The following MED12L variants were observed in gnomAD, a reference collection of about 807,000 sequenced individuals.
The protein encoded by MED12L is mediator of RNA polymerase II transcription subunit 12-like protein.
In MED12L, 60 loss-of-function variants were observed where a neutral mutation model predicts 281.3. The ratio of observed to expected loss-of-function variants is 0.21; its 90% confidence interval spans 0.17 to 0.26. MED12L has a LOEUF of 0.26. Among genes scored for constraint, MED12L ranks in the 10% least tolerant of loss-of-function variants. The pLI is 1.00. For missense variants in MED12L, 2,146 were observed against 2,680.9 expected (o/e 0.80, Z 4.41); for synonymous variants, 974 against 987.2 (o/e 0.99, Z 0.25).
chr3:151,410,091 T>C (rs1716778752), intron 40 of MED12L, among the ~76,000 whole-genome samples: 1 of 152,202 alleles, frequency 6.6e-6, no homozygotes, highest in Non-Finnish European at 1.5e-5. Flanking sequence ...TGACATTGTG[T>C]GAGTTACTTA....
intron 43 of MED12L, among the ~76,000 whole-genome samples, chr3:151,422,784 G>A (rs944380448): frequency 6.7e-6 from 1 of 149,664 alleles, no homozygotes. Context: ...GGCTGAATGT[G>A]GCAGATGTTG....
At chr3:151,389,393 G>A (rs1442563564) in intron 37 of MED12L, among the ~76,000 whole-genome samples, 1 of 152,070 alleles carries the variant, frequency 6.6e-6, no homozygotes, top group African/African-American at 2.4e-5. Context: ...CATCCTCTAG[G>A]GCTAGACTAG....
chr3:151,365,727 A>T (rs1242393714), intron 22 of MED12L, 123 bp from the exon 23 acceptor site: 1 of 859,524 alleles, frequency 1.2e-6, no homozygotes, highest in Non-Finnish European at 1.7e-6. Context: ...TGAGTATTTT[A>T]TCTGTGAATC....
chr3:151,138,218 G>A (rs1337150545), intron 5 of MED12L, among the ~76,000 whole-genome samples: 1 of 147,052 alleles, frequency 6.8e-6, no homozygotes, highest in Admixed American at 7.0e-5. Flanking sequence ...ATTACTTGAT[G>A]TTCTCTGTTC....
intron 16 of MED12L, among the ~76,000 whole-genome samples, chr3:151,282,978 A>C (rs1743013021): frequency 6.6e-6 from 1 of 152,230 alleles, no homozygotes; most frequent in South Asian, 2.1e-4. Context: ...GATGTGAGAT[A>C]AGTCACCACA....
At chr3:151,365,316 TG>T in intron 22 of MED12L, 110 bp downstream of exon 22, 1 of 871,930 alleles carries the variant, frequency 1.1e-6, no homozygotes, top group Non-Finnish European at 1.8e-6. Flanking sequence ...GGCTATCATT[TG>T]CTTTTTCTAA....
chr3:151,327,561 G>A (rs1268031302), intron 16 of MED12L: 1 of 152,272 alleles, frequency 6.6e-6, no homozygotes, highest in African/African-American at 2.4e-5. Context: ...GACTTCAAGA[G>A]TTGGGCGTTT....
chr3:151,396,766 T>C (rs57781984), intron 39 of MED12L, among the ~76,000 whole-genome samples: 2 of 152,020 alleles, frequency 1.3e-5, no homozygotes, highest in African/African-American at 4.8e-5. Flanking sequence ...AAATTAACTT[T>C]GAAGTACTTG....
At chr3:151,139,934 G>A (rs546325495) in intron 5 of MED12L, among the ~76,000 whole-genome samples, 8 of 152,226 alleles carry the variant, frequency 5.3e-5, no homozygotes, top group East Asian at 1.9e-4. Context: ...AAGCCTAATC[G>A]CAGTCCCAAA....
At chr3:151,406,855 C>T (rs1044699457) in intron 39 of MED12L, among the ~76,000 whole-genome samples, 17 of 146,068 alleles carry the variant, frequency 1.2e-4, no homozygotes, top group African/African-American at 4.4e-4. Context: ...GGCTGGAGTG[C>T]AGTGGCACGA....
rs565271884 is a variant in MED12L at position 151,151,139 on chromosome 3, G to A, written c.557-5022G>A. Among the ~76,000 whole-genome samples, 38 of 144,400 alleles carry A rather than the reference G, an allele frequency of 2.6e-4. 1 individual carries two copies. The highest frequency in any genetic ancestry group is 2.4e-3 in the Admixed American group (33 of 13,688). The allele number at this position is 144,400 out of a possible 152,430, so 94.7% of individuals were successfully genotyped here. ...GCAAGCTCCACGTCCCGGGGTTCAC[G>A]CCATTCTCCTGCCTCAGCCTCTTGA... On this transcript the variant is annotated intron_variant, in intron 5 of 44. Coordinates refer to ENST00000687756, the MANE Select transcript of MED12L (RefSeq NM_001393769.1).
intron 39 of MED12L, among the ~76,000 whole-genome samples, chr3:151,407,371 A>C (rs1390467805): frequency 6.6e-6 from 1 of 152,208 alleles, no homozygotes; most frequent in Non-Finnish European, 1.5e-5. Flanking sequence ...CTACCTATAG[A>C]TCCCTAGATT....
chr3:151,281,436 A>T (rs1356549672), intron 16 of MED12L, among the ~76,000 whole-genome samples: 1 of 151,834 alleles, frequency 6.6e-6, no homozygotes, highest in African/African-American at 2.4e-5. Context: ...AAATAAAAAG[A>T]TATTTTATTA....
Position 151,434,283 on chromosome 3 carries a change from TATAA to T in MED12L, c.*1484_*1487del, listed in dbSNP as rs1719848366. 1 of 152,198 alleles carries T rather than the reference TATAA, an allele frequency of 6.6e-6. No homozygotes were observed. Among genetic ancestry groups the T allele is most frequent in the Non-Finnish European group, 1.5e-5 (1 of 68,040 alleles). The allele number at this position is 152,198 out of a possible 1,614,324, so 9.4% of individuals were successfully genotyped here. A position where few individuals can be genotyped will look rare whatever the true frequency, so the allele number is the denominator to read the frequency against. ...ACATTTTCTTTTGCAAATCATTATC[TATAA>T]ATAATTTATATCTTCCTGGGTGAGT... On this transcript the variant is annotated 3_prime_UTR_variant, in exon 45 of 45. Coordinates refer to ENST00000687756, the MANE Select transcript of MED12L (RefSeq NM_001393769.1).
At chr3:151,258,971 C>T (rs1738357281) in intron 16 of MED12L, among the ~76,000 whole-genome samples, 1 of 152,108 alleles carries the variant, frequency 6.6e-6, no homozygotes, top group Admixed American at 6.5e-5. Flanking sequence ...CCTTTGCCAC[C>T]TGTGAAATGG....
At position 151,369,470 on chromosome 3, in the gene MED12L, T is replaced by C. The variant is rs756564772; in HGVS notation, c.3585T>C (p.Asp1195=). 6.2e-7 allele frequency: 1 copy of C among 1,611,012 alleles called. No homozygotes were observed. The highest frequency in any genetic ancestry group is 1.7e-5 in the Admixed American group (1 of 59,682). Reference sequence around the variant, plus strand: ...TCCCTGGAATAAGATCATCTTGTGATAGACACCTCTTAGCCGCTGCTCACA... The same window carrying C: ...TCCCTGGAATAAGATCATCTTGTGACAGACACCTCTTAGCCGCTGCTCACA... ...KPFPGIRSSC[D]RHLLAAAHNS... Residue 1195 remains aspartate (D), a synonymous_variant, in exon 26 of 45, where the codon GAT becomes GAC. Transcript: ENST00000687756.
chr3:151,229,298 A>C (rs1731137194), intron 16 of MED12L, among the ~76,000 whole-genome samples: 1 of 146,598 alleles, frequency 6.8e-6, no homozygotes, highest in Non-Finnish European at 1.5e-5. Context: ...TTATAAATTC[A>C]GCAATTCTTT....
intron 16 of MED12L, chr3:151,261,273 G>T (rs542066205): frequency 2.0e-5 from 3 of 152,122 alleles, no homozygotes; most frequent in African/African-American, 7.2e-5. Context: ...CAGAGGTGGA[G>T]ATACATTCAC....
At chr3:151,398,919 G>T (rs994401269) in intron 39 of MED12L, among the ~76,000 whole-genome samples, 1 of 152,146 alleles carries the variant, frequency 6.6e-6, no homozygotes, top group Non-Finnish European at 1.5e-5. Flanking sequence ...CAATTATACT[G>T]TAACAAACAT....
Sources: allele counts gnomAD v4.1 joint callset (sites outside exome capture counted in the v4.1 genomes callset), GRCh38; gene constraint gnomAD v4.1.1; transcripts MANE v1.5; gene names NCBI Gene and HGNC (gene_info 2026-07-23, HGNC 2026-07-21).